The following CDKAL1 variants were observed in gnomAD, a reference collection of about 807,000 sequenced individuals.
CDKAL1 encodes CDKAL1 threonylcarbamoyladenosine tRNA methylthiotransferase.
A neutral mutation model predicts 68.2 loss-of-function variants in CDKAL1; 32 were observed. The ratio of observed to expected loss-of-function variants is 0.47; its 90% confidence interval spans 0.35 to 0.63. The LOEUF (loss-of-function observed/expected upper bound fraction) is 0.63, where lower values mean the gene tolerates loss of function less well. Ranked by LOEUF, CDKAL1 falls within the 30% of genes least tolerant of loss-of-function variation. CDKAL1 has a pLI of 0.00. For synonymous variants in CDKAL1, 234 were observed against 244.3 expected, an observed-to-expected ratio of 0.96 and a Z score of 0.39; for missense variants, 606 against 696.7, an observed-to-expected ratio of 0.87 and a Z score of 1.47.
intron 5 of CDKAL1, among the ~76,000 whole-genome samples, chr6:20,702,540 G>A (rs1400430024): frequency 1.3e-5 from 2 of 152,124 alleles, no homozygotes; most frequent in Non-Finnish European, 2.9e-5. Context: ...TTGTGGATTG[G>A]GCCTTCCAAC....
intron 5 of CDKAL1, among the ~76,000 whole-genome samples, chr6:20,686,036 A>G (rs563819871): frequency 2.5e-4 from 38 of 151,028 alleles, no homozygotes; most frequent in Middle Eastern, 3.5e-3. Context: ...ACTTTTATAT[A>G]TTAATTATGT....
At chr6:20,822,386 G>A (rs531221942) in intron 8 of CDKAL1, among the ~76,000 whole-genome samples, 2 of 152,192 alleles carry the variant, frequency 1.3e-5, no homozygotes, top group East Asian at 3.9e-4. Flanking sequence ...TCAAGTTGAA[G>A]TATCACTGAA....
chr6:20,778,750 CTA>C (rs577398629), intron 7 of CDKAL1, among the ~76,000 whole-genome samples: 2 of 152,178 alleles, frequency 1.3e-5, no homozygotes, highest in Non-Finnish European at 2.9e-5. Context: ...CGAAATGGAC[CTA>C]TGTTCTGGCT....
At chr6:20,543,965 T>G (rs962914515) in intron 2 of CDKAL1, among the ~76,000 whole-genome samples, 4 of 152,004 alleles carry the variant, frequency 2.6e-5, no homozygotes, top group African/African-American at 9.7e-5. Context: ...CTTGAACTCC[T>G]GACCTCAAGT....
At chr6:20,967,107 C>T (rs1222379134) in intron 10 of CDKAL1, among the ~76,000 whole-genome samples, 1 of 152,178 alleles carries the variant, frequency 6.6e-6, no homozygotes, top group Non-Finnish European at 1.5e-5. Context: ...CTTCACCTGG[C>T]ATTCTTTCCT....
intron 11 of CDKAL1, among the ~76,000 whole-genome samples, chr6:21,029,479 A>G (rs567663603): frequency 6.6e-6 from 1 of 152,290 alleles, no homozygotes; most frequent in South Asian, 2.1e-4. Context: ...GTCTTGGCAA[A>G]TGGGATCTAA....
At chr6:20,908,936 T>TTGGGTGTCATGCTA (rs1238671048) in intron 9 of CDKAL1, among the ~76,000 whole-genome samples, 1 of 152,218 alleles carries the variant, frequency 6.6e-6, no homozygotes, top group Non-Finnish European at 1.5e-5. Context: ...AGTTGCATCC[T>TTGGGTGTCATGCTA]TGGGTGTCAT....
intron 9 of CDKAL1, among the ~76,000 whole-genome samples, chr6:20,853,509 T>A (rs1759152785): frequency 6.6e-6 from 1 of 152,170 alleles, no homozygotes; most frequent in African/African-American, 2.4e-5. Context: ...ATGGCAGAAC[T>A]TCTGGTTCTG....
chr6:20,559,218 A>C (rs911192213), intron 4 of CDKAL1: 2 of 152,174 alleles, frequency 1.3e-5, no homozygotes, highest in Admixed American at 1.3e-4. Flanking sequence ...TCAACCTTAA[A>C]ATTTTTTTAA....
rs183824364 is a variant in CDKAL1, at chr6:20,911,428, A to G, written c.743-43991A>G. 9.4e-4 allele frequency among the ~76,000 whole-genome samples: 143 copies of G among 152,360 alleles called. 1 individual carries two copies. The highest frequency in any genetic ancestry group is 3.1e-4 in the Non-Finnish European group (21 of 68,038). On this transcript the variant is annotated intron_variant, in intron 9 of 15. Coordinates refer to ENST00000274695, the MANE Select transcript of CDKAL1 (RefSeq NM_017774.3). ...AGTTAGATTGTCTTCTTGTTGCTCTAGAATTCTACATTTTGTTTCACACGT... is the reference window on the plus strand; with the variant it reads ...AGTTAGATTGTCTTCTTGTTGCTCTGGAATTCTACATTTTGTTTCACACGT...
At chr6:20,949,424 G>A (rs747461166) in intron 9 of CDKAL1, among the ~76,000 whole-genome samples, 4 of 152,188 alleles carry the variant, frequency 2.6e-5, no homozygotes, top group Non-Finnish European at 4.4e-5. Context: ...GTATGTGTGC[G>A]TGTGTTTGTA....
chr6:21,080,075 TC>T (rs1057198961), intron 12 of CDKAL1, among the ~76,000 whole-genome samples: 13 of 150,290 alleles, frequency 8.6e-5, no homozygotes, highest in Non-Finnish European at 1.5e-4. Context: ...ATTGGATCAT[TC>T]TTTTTTTTTT....
At position 21,178,572 on chromosome 6, in the gene CDKAL1, A is replaced by C. The variant is rs75341752; in HGVS notation, c.1300-19449A>C. On this transcript the variant is annotated intron_variant, in intron 13 of 15. Coordinates refer to ENST00000274695, the MANE Select transcript of CDKAL1 (RefSeq NM_017774.3). ...TTACTTGGAAAAAAGAGAGGATCAC[A>C]TGGTGAAAGGTGATCTTGTTAAAAG... Among the ~76,000 whole-genome samples, 13 of 152,358 alleles carry C rather than the reference A, an allele frequency of 8.5e-5. No individual in the cohort carries two copies. In the East Asian group the frequency reaches 2.5e-3, roughly 29 times the overall value.
intron 4 of CDKAL1, among the ~76,000 whole-genome samples, chr6:20,562,757 T>A (rs1430799283): frequency 6.6e-6 from 1 of 151,102 alleles, no homozygotes; most frequent in East Asian, 1.9e-4. Flanking sequence ...AAAAAAAAAA[T>A]TCATTGTTAG....
intron 11 of CDKAL1, 83 bp downstream of exon 11, chr6:21,000,455 A>G: frequency 8.2e-7 from 1 of 1,221,326 alleles, no homozygotes; most frequent in Non-Finnish European, 1.2e-6. Context: ...TTGCAGCCTT[A>G]CAATTAAAGG....
At chr6:20,563,564 C>T (rs2127670982) in intron 4 of CDKAL1, among the ~76,000 whole-genome samples, 1 of 151,482 alleles carries the variant, frequency 6.6e-6, no homozygotes, top group Admixed American at 6.6e-5. Flanking sequence ...CCAGTCTGGT[C>T]TTGAACTCCT....
At chr6:20,643,736 G>A (rs1292591856) in intron 4 of CDKAL1, among the ~76,000 whole-genome samples, 14 of 152,170 alleles carry the variant, frequency 9.2e-5, no homozygotes. Context: ...GAAAAGTTTA[G>A]GGTATTATCT....
chr6:21,146,355 C>T (rs79203708), intron 13 of CDKAL1, among the ~76,000 whole-genome samples: 2,478 of 152,246 alleles, frequency 0.016, 58 homozygotes, highest in African/African-American at 0.049. Context: ...TCACAGTTCA[C>T]GTCCCAGAGC....
intron 9 of CDKAL1, among the ~76,000 whole-genome samples, chr6:20,875,690 G>T (rs1760477739): frequency 6.6e-6 from 1 of 151,840 alleles, no homozygotes; most frequent in African/African-American, 2.4e-5. Context: ...AAAAAAAATA[G>T]GGTCTGTAAA....
Sources: allele counts gnomAD v4.1 joint callset (sites outside exome capture counted in the v4.1 genomes callset), GRCh38; gene constraint gnomAD v4.1.1; transcripts MANE v1.5; gene names NCBI Gene and HGNC (gene_info 2026-07-23, HGNC 2026-07-21).